The following GSDMC variants were observed in gnomAD, a reference collection of about 807,000 sequenced individuals.
GSDMC encodes the protein gasdermin-C.
Under a neutral mutation model 58.0 loss-of-function variants are expected in GSDMC, and 59 were observed. That is an observed-to-expected ratio of 1.02 (90% CI 0.82 to 1.26). The LOEUF (loss-of-function observed/expected upper bound fraction) is 1.26. Ranked by LOEUF, GSDMC falls within the 50% of genes most tolerant of loss-of-function variation. GSDMC has a pLI of 0.00. For missense variants in GSDMC, 659 were observed against 598.5 expected, an observed-to-expected ratio of 1.10 and a Z score of -1.06; for synonymous variants, 241 against 220.2, an observed-to-expected ratio of 1.09 and a Z score of -0.83.
At chr8:129,718,269 T>A in the GSDMC span, among the ~76,000 whole-genome samples, 1 of 152,312 alleles carries the variant, frequency 6.6e-6, no homozygotes, top group Non-Finnish European at 1.5e-5. Context: ...TTTTGCAATC[T>A]ATCCATCTGA....
At position 129,765,813 on chromosome 8, in the gene GSDMC, G is replaced by T; in HGVS notation, c.405-20C>A. 1 of 1,608,704 alleles carries T rather than the reference G, an allele frequency of 6.2e-7. No homozygotes were observed. ...AGTTTCCTGGGGATTTAAGGAAGGA[G>T]GACAAGAGTCAGAGTGGGAAAGTGA... On this transcript the variant is annotated intron_variant, in intron 3 of 13. Coordinates refer to ENST00000276708, the MANE Select transcript of GSDMC (RefSeq NM_031415.3).
At chr8:129,730,352 G>T in the GSDMC span, 1 of 1,310,290 alleles carries the variant, frequency 7.6e-7, no homozygotes, top group Non-Finnish European at 1.1e-6. Flanking sequence ...AAACTGTTAT[G>T]CAAGGAGATT....
At chr8:129,776,939 T>TG (rs910607817) in intron 2 of GSDMC, among the ~76,000 whole-genome samples, 2 of 151,380 alleles carry the variant, frequency 1.3e-5, no homozygotes, top group African/African-American at 4.9e-5. Flanking sequence ...TTTTTTTTTT[T>TG]TTGTATTTTT....
the GSDMC span, among the ~76,000 whole-genome samples, chr8:129,711,069 C>T: frequency 6.6e-6 from 1 of 152,184 alleles, no homozygotes; most frequent in Admixed American, 6.5e-5. Flanking sequence ...CAAAGGAAAA[C>T]AACCAAATAT....
intron 3 of GSDMC, among the ~76,000 whole-genome samples, chr8:129,768,554 A>T (rs1443612829): frequency 6.6e-6 from 1 of 152,252 alleles, no homozygotes; most frequent in African/African-American, 2.4e-5. Context: ...TAAAGAATAC[A>T]GTAACTAAAC....
intron 3 of GSDMC, among the ~76,000 whole-genome samples, chr8:129,770,348 T>G (rs1432914828): frequency 6.6e-6 from 1 of 151,966 alleles, no homozygotes; most frequent in African/African-American, 2.4e-5. Flanking sequence ...TACAAAAAAT[T>G]TACCAGTTGT....
chr8:129,754,836 A>C (rs1563792182), intron 6 of GSDMC, among the ~76,000 whole-genome samples: 1 of 152,234 alleles, frequency 6.6e-6, no homozygotes, highest in Admixed American at 6.5e-5. Context: ...AATGCCTGAG[A>C]GTCACTTAAT....
At chr8:129,769,936 G>A (rs1056253613) in intron 3 of GSDMC, among the ~76,000 whole-genome samples, 34 of 152,086 alleles carry the variant, frequency 2.2e-4, no homozygotes, top group Non-Finnish European at 1.6e-4. Context: ...AATTAACAAC[G>A]TAAAACACAT....
chr8:129,762,831 T>C, intron 4 of GSDMC, 100 bp from the exon 5 acceptor site: 2 of 751,352 alleles, frequency 2.7e-6, no homozygotes, highest in East Asian at 2.5e-5. Context: ...CATTCCCTGC[T>C]CTCATCCTCC....
At chr8:129,767,550 G>A (rs2033906736) in intron 3 of GSDMC, among the ~76,000 whole-genome samples, 3 of 137,972 alleles carry the variant, frequency 2.2e-5, no homozygotes, top group Admixed American at 1.5e-4. Flanking sequence ...TGTGGGCTCT[G>A]TGGGACACAG....
In GSDMC at chr8:129,776,122, G is replaced by T. The variant is rs2034215325; in HGVS notation, c.384C>A (p.Asn128Lys). Reference protein sequence around the residue: ...EFQIVTIPSPNLEDFQKRKLL... With the variant: ...EFQIVTIPSPKLEDFQKRKLL... ...CTCACCTTTTTTGAAAGTCTTCCAG[G>T]TTTGGTGATGGGATGGTAACAATTT... is the stretch of plus-strand genomic sequence containing the variant. Residue 128 changes from asparagine (N) to lysine (K), a missense_variant, in exon 3 of 14, where the codon AAC (asparagine) becomes AAA (lysine). By Grantham distance (94) the Asn-to-Lys change is moderately conservative. Transcript: ENST00000276708. The T allele has an allele frequency of 1.2e-6, 2 of 1,613,460 alleles. No homozygotes were observed. Among genetic ancestry groups the T allele is most frequent in the South Asian group, 2.2e-5 (2 of 91,010 alleles).
the GSDMC span, among the ~76,000 whole-genome samples, chr8:129,724,478 TC>T: frequency 6.6e-6 from 1 of 152,020 alleles, no homozygotes; most frequent in Non-Finnish European, 1.5e-5. Flanking sequence ...AATACAATCT[TC>T]TTTCACCTTG....
the GSDMC span, chr8:129,729,098 G>T: frequency 1.6e-6 from 1 of 638,554 alleles, no homozygotes; most frequent in Non-Finnish European, 3.0e-6. Context: ...AGAAACAGAT[G>T]AAAATGATCT....
At chr8:129,773,913 A>G (rs1325068518) in intron 3 of GSDMC, among the ~76,000 whole-genome samples, 1 of 152,196 alleles carries the variant, frequency 6.6e-6, no homozygotes, top group Non-Finnish European at 1.5e-5. Flanking sequence ...GAAATTAAAG[A>G]AGACAAAAAT....
the GSDMC span, chr8:129,730,043 T>A: frequency 8.4e-7 from 1 of 1,186,624 alleles, no homozygotes; most frequent in Non-Finnish European, 1.2e-6. Flanking sequence ...GGAAAAGGAG[T>A]ATTCCTTGAA....
At chr8:129,719,603 C>A in the GSDMC span, among the ~76,000 whole-genome samples, 1 of 152,104 alleles carries the variant, frequency 6.6e-6, no homozygotes, top group East Asian at 1.9e-4. Context: ...GGAATACTTA[C>A]GGAGGTAGAT....
At chr8:129,723,346 T>C in the GSDMC span, among the ~76,000 whole-genome samples, 3 of 152,030 alleles carry the variant, frequency 2.0e-5, no homozygotes, top group Non-Finnish European at 4.4e-5. Flanking sequence ...GTTCAAGCTA[T>C]TCTCATGCCT....
chr8:129,724,362 T>G, the GSDMC span, among the ~76,000 whole-genome samples: 1 of 152,194 alleles, frequency 6.6e-6, no homozygotes, highest in Non-Finnish European at 1.5e-5. Flanking sequence ...GCCATTACGT[T>G]TTGGGGGTGA....
chr8:129,759,856 G>C (rs547371334), intron 6 of GSDMC, among the ~76,000 whole-genome samples: 1 of 152,154 alleles, frequency 6.6e-6, no homozygotes, highest in South Asian at 2.1e-4. Flanking sequence ...CAATCTCACT[G>C]CTGGGTATAT....
Sources: allele counts gnomAD v4.1 joint callset (sites outside exome capture counted in the v4.1 genomes callset), GRCh38; gene constraint gnomAD v4.1.1; transcripts MANE v1.5; gene names NCBI Gene and HGNC (gene_info 2026-07-23, HGNC 2026-07-21).